ZNF430: variants seen among roughly 807,000 people sequenced by gnomAD.
ZNF430 encodes zinc finger protein 430.
Under a neutral mutation model 56.7 loss-of-function variants are expected in ZNF430, and 35 were observed. That is an observed-to-expected ratio of 0.62 (90% CI 0.47 to 0.82). The LOEUF (loss-of-function observed/expected upper bound fraction) is 0.82. Ranked by LOEUF, ZNF430 falls within the 40% of genes least tolerant of loss-of-function variation. ZNF430 has a pLI of 0.00. For missense variants in ZNF430, 574 were observed against 661.0 expected (o/e 0.87, Z 1.44); for synonymous variants, 212 against 224.3 (o/e 0.94, Z 0.49).
At chr19:21,042,998 C>T (rs550745679) in intron 4 of ZNF430, among the ~76,000 whole-genome samples, 2 of 151,990 alleles carry the variant, frequency 1.3e-5, no homozygotes, top group South Asian at 2.1e-4. Context: ...TGCTTAAGTT[C>T]CTTTTAGACT....
At chr19:21,052,522 C>T (rs1249899591) in intron 4 of ZNF430, among the ~76,000 whole-genome samples, 3 of 151,982 alleles carry the variant, frequency 2.0e-5, no homozygotes, top group Non-Finnish European at 2.9e-5. Context: ...CACACACACA[C>T]ATATATATAC....
chr19:21,039,424 T>A (rs1357409885), intron 4 of ZNF430, among the ~76,000 whole-genome samples: 1 of 144,864 alleles, frequency 6.9e-6, no homozygotes, highest in African/African-American at 2.5e-5. Flanking sequence ...AATATATTAT[T>A]GGATTTAACA....
rs898506319 is a variant in ZNF430 at position 21,055,383 on chromosome 19, A to G, written c.323-1248A>G. Among the ~76,000 whole-genome samples, 3 of 151,808 alleles carry G rather than the reference A, an allele frequency of 2.0e-5. No individual in the cohort carries two copies. The East Asian group carries it at 5.8e-4, about 29-fold the overall frequency. ...TGTTGCTAGAATGTGTCTTGTCTAC[A>G]ATTTTGTGTTTATTTTTTAATTAAA... On this transcript the variant is annotated intron_variant, in intron 4 of 4. Coordinates refer to ENST00000261560, the MANE Select transcript of ZNF430 (RefSeq NM_025189.4).
intron 4 of ZNF430, among the ~76,000 whole-genome samples, chr19:21,040,895 A>G (rs923203283): frequency 8.5e-5 from 13 of 152,172 alleles, no homozygotes; most frequent in Non-Finnish European, 1.8e-4. Flanking sequence ...CCATTTGGCC[A>G]TTATATAATA....
rs938042870 is a variant in ZNF430, at chr19:21,060,037, G to A, written c.*2016G>A. ...TTGTACTTTTGTATAATAAAATCCA[G>A]TGTATTTTAAAAATGTTAGGTTATG... On this transcript the variant is annotated 3_prime_UTR_variant, in exon 5 of 5. Transcript: ENST00000261560. The A allele has an allele frequency of 6.6e-6, 1 of 152,038 alleles. No homozygotes were observed. The highest frequency in any genetic ancestry group is 2.4e-5 in the African/African-American group (1 of 41,426). 9.4% of individuals were successfully genotyped at this position (152,038 alleles called of 1,614,324 possible). A position where few individuals can be genotyped will look rare whatever the true frequency, so the allele number is the denominator to read the frequency against.
At chr19:21,047,274 G>A (rs944294781) in intron 4 of ZNF430, among the ~76,000 whole-genome samples, 4 of 152,094 alleles carry the variant, frequency 2.6e-5, no homozygotes, top group African/African-American at 9.7e-5. Context: ...CATTGGGTTA[G>A]AACATACTCC....
At chr19:21,037,111 CTTTT>C (rs990607702) in intron 4 of ZNF430, among the ~76,000 whole-genome samples, 34 of 130,800 alleles carry the variant, frequency 2.6e-4, no homozygotes, top group African/African-American at 9.0e-4. Flanking sequence ...ACAAGATTTT[CTTTT>C]TTTTTTTTTT....
intron 4 of ZNF430, among the ~76,000 whole-genome samples, chr19:21,038,866 T>A (rs1968050121): frequency 6.6e-6 from 1 of 152,220 alleles, no homozygotes; most frequent in South Asian, 2.1e-4. Flanking sequence ...TTATAGAGGT[T>A]ATATTGAATT....
At chr19:21,039,663 A>G (rs1968068918) in intron 4 of ZNF430, among the ~76,000 whole-genome samples, 1 of 151,792 alleles carries the variant, frequency 6.6e-6, no homozygotes, top group South Asian at 2.1e-4. Flanking sequence ...ACAGGTTTTC[A>G]CTATGTTGGC....
chr19:21,042,098 A>G lies in ZNF430; in HGVS notation c.322+7914A>G, dbSNP rs180930764. On this transcript the variant is annotated intron_variant, in intron 4 of 4. Coordinates refer to ENST00000261560, the MANE Select transcript of ZNF430 (RefSeq NM_025189.4). Reference sequence around the variant, plus strand: ...TTCCTGCATTAGTTTGCTGAGGATAATGGCTTTCAGCTTTATCCATGCCTT... The same window carrying G: ...TTCCTGCATTAGTTTGCTGAGGATAGTGGCTTTCAGCTTTATCCATGCCTT... Among the ~76,000 whole-genome samples the G allele has an allele frequency of 2.7e-3, 414 of 152,298 alleles. 6 individuals are homozygous for G. Among genetic ancestry groups the G allele is most frequent in the Admixed American group, 0.019 (289 of 15,298 alleles).
At chr19:21,036,152 C>T (rs1002952729) in intron 4 of ZNF430, 4 of 152,262 alleles carry the variant, frequency 2.6e-5, no homozygotes, top group Non-Finnish European at 4.4e-5. Flanking sequence ...GTTTGCAATT[C>T]GGTTTATCTC....
chr19:21,025,662 C>T (rs1350949076), intron 2 of ZNF430, among the ~76,000 whole-genome samples: 3 of 152,064 alleles, frequency 2.0e-5, no homozygotes, highest in South Asian at 4.1e-4. Flanking sequence ...TCTCGGCTCA[C>T]TGCAACCTCC....
At chr19:21,029,291 A>G (rs1235096422) in intron 2 of ZNF430, among the ~76,000 whole-genome samples, 1 of 152,178 alleles carries the variant, frequency 6.6e-6, no homozygotes, top group African/African-American at 2.4e-5. Flanking sequence ...TACTTCTGAT[A>G]CCATCAGCTG....
intron 4 of ZNF430, among the ~76,000 whole-genome samples, chr19:21,039,506 GCC>G (rs924237649): frequency 7.1e-6 from 1 of 140,472 alleles, no homozygotes; most frequent in African/African-American, 2.6e-5. Context: ...TCACTCTGTT[GCC>G]CAGGCTGGGG....
chr19:21,022,697 G>T, intron 1 of ZNF430, 92 bp from the exon 2 acceptor site: 1 of 938,550 alleles, frequency 1.1e-6, no homozygotes, highest in Admixed American at 1.8e-5. Context: ...CTGGGTTTCA[G>T]TATTGTCTGG....
At chr19:21,029,402 A>T (rs1055064403) in intron 2 of ZNF430, among the ~76,000 whole-genome samples, 43 of 151,268 alleles carry the variant, frequency 2.8e-4, no homozygotes, top group African/African-American at 9.7e-4. Flanking sequence ...AAAGAACTTT[A>T]ATAAATTTGT....
intron 4 of ZNF430, chr19:21,049,688 G>GTAA: frequency 6.6e-6 from 1 of 152,060 alleles, no homozygotes; most frequent in African/African-American, 2.4e-5. Context: ...TACATTTCGT[G>GTAA]CAACATTTCT....
At chr19:21,031,903 A>G (rs948020763) in intron 2 of ZNF430, among the ~76,000 whole-genome samples, 14 of 152,202 alleles carry the variant, frequency 9.2e-5, no homozygotes, top group African/African-American at 2.7e-4. Flanking sequence ...TATAATATTC[A>G]AGGCTGTCTG....
Position 21,057,858 on chromosome 19 carries a change from A to T in ZNF430, c.1550A>T (p.Glu517Val). 6.2e-7 allele frequency: 1 copy of T among 1,614,028 alleles called. No individual in the cohort carries two copies. Among genetic ancestry groups the T allele is most frequent in the Admixed American group, 1.7e-5 (1 of 60,016 alleles). Residue 517 changes from glutamate to valine, a missense_variant, in exon 5 of 5, where the codon GAA becomes GTA. Glu to Val is a moderately radical substitution (Grantham distance 121). This residue lies in a region of ZNF430 where 213 missense variants were observed against 221.0 expected (regional missense o/e 0.96). Transcript: ENST00000261560. The part of the protein sequence containing the change: ...HIGDTSYKYL[E>V]CDKAFSQSST... ...GGAGATACATCTTACAAATACCTAG[A>T]ATGTGATAAAGCCTTTAGCCAGTCT... is the stretch of plus-strand genomic sequence containing the variant.
Sources: gnomAD v4.1 joint callset for allele counts (sites outside exome capture counted in the v4.1 genomes callset) on GRCh38, gnomAD v4.1.1 for gene constraint, gnomAD v4.1.1 regional missense constraint, MANE v1.5 for transcripts, NCBI Gene and HGNC (gene_info 2026-07-23, HGNC 2026-07-21) for gene names.